PTPRM: variants seen among roughly 807,000 people sequenced by gnomAD.
The protein encoded by PTPRM is receptor-type tyrosine-protein phosphatase mu.
In PTPRM, 47 loss-of-function variants were observed where a neutral mutation model predicts 186.7. That is an observed-to-expected ratio of 0.25 (90% CI 0.20 to 0.32). The LOEUF (loss-of-function observed/expected upper bound fraction) is 0.32. Ranked by LOEUF, PTPRM falls within the 10% of genes least tolerant of loss-of-function variation. The pLI, the probability that PTPRM is intolerant of heterozygous loss-of-function variation, is 1.00. For synonymous variants in PTPRM, 668 were observed against 674.9 expected, an observed-to-expected ratio of 0.99 and a Z score of 0.16; for missense variants, 1,494 against 1,865.0, an observed-to-expected ratio of 0.80 and a Z score of 3.66.
chr18:8,297,222 A>G (rs1030023285), intron 20 of PTPRM, among the ~76,000 whole-genome samples: 12 of 152,252 alleles, frequency 7.9e-5, no homozygotes, highest in African/African-American at 2.7e-4. Context: ...TACTATTTAT[A>G]AAGATACATA....
chr18:8,125,996 TA>T lies in PTPRM; in HGVS notation c.2167+11170del, dbSNP rs1568382977. 7.0e-3 allele frequency among the ~76,000 whole-genome samples: 93 copies of T among 13,230 alleles called. 1 individual carries two copies. Among genetic ancestry groups the T allele is most frequent in the African/African-American group, 0.011 (79 of 7,332 alleles). 8.7% of individuals were successfully genotyped at this position (13,230 alleles called of 152,430 possible). A position where few individuals can be genotyped will look rare whatever the true frequency, so the allele number is the denominator to read the frequency against. On this transcript the variant is annotated intron_variant, in intron 13 of 32. Coordinates refer to ENST00000580170, the MANE Select transcript of PTPRM (RefSeq NM_001105244.2). ...GTATACATATATATATATATATATA[TA>T]TATATATATATATATATATATATAT...
chr18:7,618,634 C>T (rs2037863714), intron 1 of PTPRM, among the ~76,000 whole-genome samples: 2 of 152,202 alleles, frequency 1.3e-5, no homozygotes, highest in South Asian at 4.1e-4. Flanking sequence ...CTCAGTTCTG[C>T]AGCACCTTTC....
chr18:8,028,683 C>G (rs2085736053), intron 7 of PTPRM, among the ~76,000 whole-genome samples: 1 of 152,162 alleles, frequency 6.6e-6, no homozygotes, highest in South Asian at 2.1e-4. Context: ...TAAATACTTA[C>G]TATATCAGAC....
At chr18:7,628,321 T>C (rs1429389620) in intron 1 of PTPRM, among the ~76,000 whole-genome samples, 1 of 152,218 alleles carries the variant, frequency 6.6e-6, no homozygotes, top group Non-Finnish European at 1.5e-5. Context: ...AAAAGATAAG[T>C]AGCTTAATGA....
intron 7 of PTPRM, among the ~76,000 whole-genome samples, chr18:8,068,456 C>A (rs1466205539): frequency 6.6e-6 from 1 of 152,138 alleles, no homozygotes; most frequent in Non-Finnish European, 1.5e-5. Flanking sequence ...TTATTTTCAT[C>A]ATTATTTCAT....
intron 1 of PTPRM, among the ~76,000 whole-genome samples, chr18:7,573,502 C>T (rs2036611646): frequency 6.6e-6 from 1 of 152,196 alleles, no homozygotes; most frequent in African/African-American, 2.4e-5. Context: ...ACAGAGGTCC[C>T]CCAGCATCCC....
chr18:7,612,378 C>T (rs1325072977), intron 1 of PTPRM, among the ~76,000 whole-genome samples: 1 of 152,150 alleles, frequency 6.6e-6, no homozygotes, highest in African/African-American at 2.4e-5. Flanking sequence ...TCATTTTTCA[C>T]TGCATCAGAT....
In PTPRM at chr18:8,164,096, A is replaced by C. The variant is rs182799051; in HGVS notation, c.2300+20317A>C. Reference sequence around the variant, plus strand: ...AGTTAAGAGAGCAACTAAGAAGAATAGAAGAAAAGAAATCGAGTTTTAGAT... The same window carrying C: ...AGTTAAGAGAGCAACTAAGAAGAATCGAAGAAAAGAAATCGAGTTTTAGAT... On this transcript the variant is annotated intron_variant, in intron 14 of 32. Coordinates refer to ENST00000580170, the MANE Select transcript of PTPRM (RefSeq NM_001105244.2). Among the ~76,000 whole-genome samples the C allele has an allele frequency of 2.9e-3, 444 of 152,362 alleles. 1 individual carries two copies. Among genetic ancestry groups the C allele is most frequent in the Middle Eastern group, 0.01 (3 of 294 alleles).
intron 7 of PTPRM, among the ~76,000 whole-genome samples, chr18:8,065,721 G>C (rs1171923049): frequency 6.6e-6 from 1 of 152,148 alleles, no homozygotes; most frequent in Non-Finnish European, 1.5e-5. Flanking sequence ...TACAACTAGT[G>C]GTCCTATGAA....
chr18:8,350,944 T>C (rs2095531304), intron 23 of PTPRM, among the ~76,000 whole-genome samples: 1 of 152,122 alleles, frequency 6.6e-6, no homozygotes, highest in Admixed American at 6.5e-5. Flanking sequence ...CTGCAGAGCC[T>C]CTAGTCGCAG....
chr18:7,948,273 A>G (rs1366796452), intron 5 of PTPRM, among the ~76,000 whole-genome samples: 1 of 151,852 alleles, frequency 6.6e-6, no homozygotes, highest in Non-Finnish European at 1.5e-5. Flanking sequence ...GTGTGTATAT[A>G]TATTATATAT....
intron 29 of PTPRM, among the ~76,000 whole-genome samples, chr18:8,383,040 C>T (rs1189531966): frequency 2.6e-5 from 4 of 151,982 alleles, no homozygotes; most frequent in African/African-American, 4.8e-5. Flanking sequence ...TGGCTCACAC[C>T]AGTAATCCCA....
chr18:8,319,234 G>C lies in PTPRM; in HGVS notation c.2956+20G>C, dbSNP rs775190515. Reference sequence around the variant, plus strand: ...CCCAAGGTAAGTTTATTTCTACTTTGTTGTCTTTCTTTGTTTCTTTTGCCC... The same window carrying C: ...CCCAAGGTAAGTTTATTTCTACTTTCTTGTCTTTCTTTGTTTCTTTTGCCC... On this transcript the variant is annotated intron_variant, in intron 22 of 32. Coordinates refer to ENST00000580170, the MANE Select transcript of PTPRM (RefSeq NM_001105244.2). 1.9e-6 allele frequency: 3 copies of C among 1,542,864 alleles called. No homozygotes were observed. Among genetic ancestry groups the C allele is most frequent in the African/African-American group, 1.4e-5 (1 of 73,068 alleles).
At chr18:7,777,164 C>G (rs376068568) in intron 2 of PTPRM, among the ~76,000 whole-genome samples, 5 of 152,020 alleles carry the variant, frequency 3.3e-5, no homozygotes, top group African/African-American at 1.2e-4. Context: ...ATGTAAAATA[C>G]TATTGGATTT....
At chr18:7,676,362 C>A (rs779207789) in intron 1 of PTPRM, among the ~76,000 whole-genome samples, 10 of 152,154 alleles carry the variant, frequency 6.6e-5, no homozygotes, top group Middle Eastern at 3.4e-3. Context: ...GTGGGTGTAA[C>A]CTTCTCTTCT....
intron 5 of PTPRM, among the ~76,000 whole-genome samples, chr18:7,946,453 A>G (rs2052529948): frequency 6.6e-6 from 1 of 152,186 alleles, no homozygotes; most frequent in Admixed American, 6.5e-5. Flanking sequence ...TTTCCCTTCA[A>G]AAACCAGAGA....
At chr18:7,600,506 A>T (rs2037374304) in intron 1 of PTPRM, among the ~76,000 whole-genome samples, 1 of 152,212 alleles carries the variant, frequency 6.6e-6, no homozygotes, top group South Asian at 2.1e-4. Context: ...TCCTGACTTC[A>T]GTGTCACCAG....
intron 5 of PTPRM, among the ~76,000 whole-genome samples, chr18:7,945,042 A>T (rs2052425620): frequency 6.6e-6 from 1 of 152,110 alleles, no homozygotes. Flanking sequence ...ACATGTGTGG[A>T]TTAGTGGATT....
intron 1 of PTPRM, among the ~76,000 whole-genome samples, chr18:7,694,078 G>T (rs1302880823): frequency 6.6e-6 from 1 of 152,188 alleles, no homozygotes; most frequent in Non-Finnish European, 1.5e-5. Flanking sequence ...GTGATCAAGT[G>T]TGACACAAGC....
Sources: gnomAD v4.1 joint callset for allele counts (sites outside exome capture counted in the v4.1 genomes callset) on GRCh38, gnomAD v4.1.1 for gene constraint, MANE v1.5 for transcripts, NCBI Gene and HGNC (gene_info 2026-07-23, HGNC 2026-07-21) for gene names.